The following PNLIPRP3 variants were observed in gnomAD, a reference collection of about 807,000 sequenced individuals.
PNLIPRP3 encodes pancreatic lipase related protein 3, also known as pancreatic lipase-related protein 3.
A neutral mutation model predicts 52.8 loss-of-function variants in PNLIPRP3; 58 were observed. That is an observed-to-expected ratio of 1.10 (90% CI 0.89 to 1.37). PNLIPRP3 has a LOEUF of 1.37. Ranked by LOEUF, PNLIPRP3 falls within the 40% of genes most tolerant of loss-of-function variation. The probability of loss-of-function intolerance (pLI) is 0.00; values close to 1 mark genes in which losing one functional copy is unlikely to be tolerated. For missense variants in PNLIPRP3, 593 were observed against 561.6 expected, an observed-to-expected ratio of 1.06 and a Z score of -0.57; for synonymous variants, 192 against 185.0, an observed-to-expected ratio of 1.04 and a Z score of -0.31.
chr10:116,438,177 C>T (rs991693740), intron 2 of PNLIPRP3, among the ~76,000 whole-genome samples: 2 of 152,062 alleles, frequency 1.3e-5, no homozygotes, highest in Non-Finnish European at 2.9e-5. Flanking sequence ...AAGCAGGCAG[C>T]CCAGAGCTGG....
rs1846102840 is a variant in PNLIPRP3 at position 116,455,739 on chromosome 10, C to T, written c.474C>T (p.Ser158=). 1 of 1,612,874 alleles carries T rather than the reference C, an allele frequency of 6.2e-7. No homozygotes were observed. Among genetic ancestry groups the T allele is most frequent in the Admixed American group, 1.7e-5 (1 of 59,892 alleles). Reference sequence around the variant, plus strand: ...TCTTTCAGAAAAAATTTGAATATTCCCCTTCTAAAGTGCACTTGATTGGCC... The same window carrying T: ...TCTTTCAGAAAAAATTTGAATATTCTCCTTCTAAAGTGCACTTGATTGGCC... The part of the protein sequence containing the change: ...IDVLMKKFEY[S]PSKVHLIGHS... Residue 158 remains serine, a synonymous_variant, in exon 5 of 12, where the codon TCC becomes TCT. Transcript: ENST00000369230.
At chr10:116,436,672 C>G (rs969262114) in intron 1 of PNLIPRP3, 39 bp from the exon 2 acceptor site, 1 of 1,537,664 alleles carries the variant, frequency 6.5e-7, no homozygotes, top group Non-Finnish European at 8.8e-7. Flanking sequence ...CTCTCTAAGC[C>G]TGGTTCCTCT....
intron 9 of PNLIPRP3, 36 bp from the exon 10 acceptor site, chr10:116,471,732 T>A: frequency 6.7e-7 from 1 of 1,489,332 alleles, no homozygotes; most frequent in Non-Finnish European, 9.4e-7. Flanking sequence ...TTTTTAACCC[T>A]TTCTCTCCCT....
At chr10:116,471,934 A>T in intron 10 of PNLIPRP3, 55 bp downstream of exon 10, 2 of 1,061,772 alleles carry the variant, frequency 1.9e-6, no homozygotes, top group Non-Finnish European at 2.8e-6. Context: ...CAGTAACACT[A>T]AGTGAGACTG....
chr10:116,444,277 A>G (rs1845909569), intron 3 of PNLIPRP3, 105 bp from the exon 4 acceptor site: 3 of 994,154 alleles, frequency 3.0e-6, no homozygotes, highest in East Asian at 2.7e-5. Context: ...AAGTCTAACC[A>G]TATCAACCTA....
chr10:116,460,137 G>T (rs1846171032), intron 5 of PNLIPRP3, among the ~76,000 whole-genome samples: 1 of 152,140 alleles, frequency 6.6e-6, no homozygotes, highest in South Asian at 2.1e-4. Flanking sequence ...CTCTGTGCTT[G>T]GATAACACTT....
At chr10:116,468,126 C>CAAAAAAAA (rs5788168) in intron 8 of PNLIPRP3, among the ~76,000 whole-genome samples, 1 of 39,496 alleles carries the variant, frequency 2.5e-5, no homozygotes, top group Non-Finnish European at 3.9e-5. Flanking sequence ...CTCTGTCTCG[C>CAAAAAAAA]AAAAAAAAAA....
At chr10:116,464,043 T>C (rs1339085790) in intron 7 of PNLIPRP3, among the ~76,000 whole-genome samples, 1 of 152,162 alleles carries the variant, frequency 6.6e-6, no homozygotes, top group African/African-American at 2.4e-5. Flanking sequence ...TAGAATGTTA[T>C]GAAAATTTTG....
At chr10:116,453,779 G>A (rs1248903957) in intron 4 of PNLIPRP3, among the ~76,000 whole-genome samples, 1 of 152,112 alleles carries the variant, frequency 6.6e-6, no homozygotes, top group Non-Finnish European at 1.5e-5. Flanking sequence ...AGAAGCAGAT[G>A]CCAGCACTAT....
At chr10:116,456,730 C>T (rs1589984725) in intron 5 of PNLIPRP3, among the ~76,000 whole-genome samples, 1 of 152,322 alleles carries the variant, frequency 6.6e-6, no homozygotes, top group Non-Finnish European at 1.5e-5. Context: ...AAGGTCAAAG[C>T]AACAGCTCCT....
chr10:116,444,428 T>C lies in PNLIPRP3; in HGVS notation c.371T>C (p.Ile124Thr), dbSNP rs1845912683. ...ATAAATTGCATTAATTTAGATTGGA[T>C]CAACGGTTCACGGGAATACATCCAT... ...EDINCINLDW[I>T]NGSREYIHAV... The change falls in exon 4 of 12, where the codon ATC (isoleucine) becomes ACC (threonine). Residue 124 changes from isoleucine to threonine, a missense_variant. By Grantham distance (89) the Ile-to-Thr change is moderately conservative. Coordinates refer to ENST00000369230, the MANE Select transcript of PNLIPRP3 (RefSeq NM_001011709.3). 3 of 1,612,824 alleles carry C rather than the reference T, an allele frequency of 1.9e-6. No homozygotes were observed. Among genetic ancestry groups the C allele is most frequent in the South Asian group, 1.1e-5 (1 of 90,972 alleles).
At chr10:116,467,198 C>G (rs143355878) in intron 8 of PNLIPRP3, among the ~76,000 whole-genome samples, 1 of 152,170 alleles carries the variant, frequency 6.6e-6, no homozygotes, top group Admixed American at 6.5e-5. Context: ...ATTTCCTTGA[C>G]GTACTTTATT....
chr10:116,469,390 AGT>A, intron 9 of PNLIPRP3, 73 bp downstream of exon 9: 2 of 1,418,550 alleles, frequency 1.4e-6, no homozygotes, highest in Non-Finnish European at 1.9e-6. Context: ...GTTTTTATTG[AGT>A]GTCTACTAAA....
At position 116,476,833 on chromosome 10, in the gene PNLIPRP3, T is replaced by C; in HGVS notation, c.1340+14T>C. 3 of 1,561,078 alleles carry C rather than the reference T, an allele frequency of 1.9e-6. No homozygotes were observed. Among genetic ancestry groups the C allele is most frequent in the East Asian group, 2.3e-5 (1 of 44,240 alleles). ...ATATGGATATAAGTAAGTATTGCTT[T>C]TTCCTTTTCATTTTCGTAGTTTACA... On this transcript the variant is annotated intron_variant, in intron 11 of 11. Coordinates refer to ENST00000369230, the MANE Select transcript of PNLIPRP3 (RefSeq NM_001011709.3).
At chr10:116,440,030 G>C in intron 2 of PNLIPRP3, 1 of 758,934 alleles carries the variant, frequency 1.3e-6, no homozygotes, top group Non-Finnish European at 2.4e-6. Flanking sequence ...GGTTTCTAGG[G>C]GTCACCTTTA....
intron 10 of PNLIPRP3, among the ~76,000 whole-genome samples, chr10:116,475,551 C>A (rs540179549): frequency 1.3e-5 from 2 of 152,170 alleles, no homozygotes; most frequent in Non-Finnish European, 2.9e-5. Flanking sequence ...CCCTTAAGAA[C>A]TTGGAAGAAC....
rs532018392 is a variant in PNLIPRP3, at chr10:116,432,020, G to A, written c.49+3959G>A. 3.3e-5 allele frequency among the ~76,000 whole-genome samples: 5 copies of A among 152,068 alleles called. No homozygotes were observed. The South Asian group carries it at 6.3e-4, about 19-fold the overall frequency. On this transcript the variant is annotated intron_variant, in intron 1 of 11. Transcript: ENST00000369230. Reference sequence around the variant, plus strand: ...CACCCTCATCCCTTCCCTGCTTTAGGTTCCTCCTAGCACCTGTCACTGTTT... The same window carrying A: ...CACCCTCATCCCTTCCCTGCTTTAGATTCCTCCTAGCACCTGTCACTGTTT...
chr10:116,469,090 T>A, intron 8 of PNLIPRP3, 95 bp from the exon 9 acceptor site: 2 of 1,223,426 alleles, frequency 1.6e-6, no homozygotes, highest in Non-Finnish European at 2.2e-6. Context: ...ATTTAGATCC[T>A]GGAGATTTAT....
At position 116,466,078 on chromosome 10, in the gene PNLIPRP3, T is replaced by G; in HGVS notation, c.837T>G (p.His279Gln). Reference protein sequence around the residue: ...KEMASFFDCNHARSYQFYAES... With the variant: ...KEMASFFDCNQARSYQFYAES... ...TGGCTTCCTTCTTTGACTGTAACCA[T>G]GCCCGAAGTTATCAATTTTATGCTG... is the stretch of plus-strand genomic sequence containing the variant. The change falls in exon 8 of 12, where the codon CAT (histidine) becomes CAG (glutamine). Residue 279 changes from histidine to glutamine, a missense_variant. Transcript: ENST00000369230. 3 of 1,613,824 alleles carry G rather than the reference T, an allele frequency of 1.9e-6. No homozygotes were observed. The highest frequency in any genetic ancestry group is 2.5e-6 in the Non-Finnish European group (3 of 1,179,892).
Sources: allele counts gnomAD v4.1 joint callset (sites outside exome capture counted in the v4.1 genomes callset), GRCh38; gene constraint gnomAD v4.1.1; transcripts MANE v1.5; gene names NCBI Gene and HGNC (gene_info 2026-07-23, HGNC 2026-07-21).